CASZ1: variants seen among roughly 807,000 people sequenced by gnomAD.
CASZ1 encodes the protein castor zinc finger 1.
A neutral mutation model predicts 135.2 loss-of-function variants in CASZ1; 28 were observed. The ratio of observed to expected loss-of-function variants is 0.21; its 90% CI spans 0.15 to 0.28. The LOEUF is 0.28. CASZ1 is among the 10% of genes least tolerant of loss of function. The pLI is 1.00. For synonymous variants in CASZ1, 1,068 were observed against 1,073.4 expected, an observed-to-expected ratio of 0.99 and a Z score of 0.10; for missense variants, 2,161 against 2,453.3, an observed-to-expected ratio of 0.88 and a Z score of 2.52.
chr1:10,782,909 T>C (rs1221134692), intron 1 of CASZ1, among the ~76,000 whole-genome samples: 2 of 152,128 alleles, frequency 1.3e-5, no homozygotes, highest in African/African-American at 4.8e-5. Flanking sequence ...GAGGGAGGGA[T>C]GAGGGAGTGT....
At position 10,767,985 on chromosome 1, in the gene CASZ1, C is replaced by A. The variant is rs892288532; in HGVS notation, c.-233-7128G>T. On this transcript the variant is annotated intron_variant, in intron 1 of 20. Coordinates refer to ENST00000377022, the MANE Select transcript of CASZ1 (RefSeq NM_001079843.3). This position sits in a 1 kb window ranked among gnomAD's most constrained non-coding sequence, Gnocchi z 4.2. ...CCCAGACCTGGGACCCCAGACTCCA[C>A]CCTGGAATCTCACAAGTGTCTTGAC... is the stretch of plus-strand genomic sequence containing the variant. 1.3e-5 allele frequency among the ~76,000 whole-genome samples: 2 copies of A among 152,214 alleles called. No individual in the cohort carries two copies. Among genetic ancestry groups the A allele is most frequent in the Non-Finnish European group, 2.9e-5 (2 of 68,036 alleles).
In CASZ1 at chr1:10,771,187, C is replaced by T. The variant is rs568925412; in HGVS notation, c.-233-10330G>A. Among the ~76,000 whole-genome samples, 12 of 151,598 alleles carry T rather than the reference C, an allele frequency of 7.9e-5. 1 individual carries two copies. The highest frequency in any genetic ancestry group is 2.4e-4 in the African/African-American group (10 of 41,294). On this transcript the variant is annotated intron_variant, in intron 1 of 20. Coordinates refer to ENST00000377022, the MANE Select transcript of CASZ1 (RefSeq NM_001079843.3). ...CTGGGGGTGCGGGACAGGGAGCAAC[C>T]GCCCCACTTGGTCTGGCTTCTATGG...
intron 2 of CASZ1, among the ~76,000 whole-genome samples, chr1:10,736,173 C>G (rs1287552185): frequency 1.3e-5 from 2 of 152,314 alleles, no homozygotes; most frequent in East Asian, 3.9e-4. Flanking sequence ...TCAGCTCAGT[C>G]TCCAGGAACC....
At position 10,754,316 on chromosome 1, in the gene CASZ1, G is replaced by A. The variant is rs575524701; in HGVS notation, c.-77+6385C>T. ...CTGTATCATTTGGCTCCCTCCATCC[G>A]AATGTAAACCTCATGAGGGCAGGAC... is the stretch of plus-strand genomic sequence containing the variant. On this transcript the variant is annotated intron_variant, in intron 2 of 20. Coordinates refer to ENST00000377022, the MANE Select transcript of CASZ1 (RefSeq NM_001079843.3). Among the ~76,000 whole-genome samples the A allele has an allele frequency of 7.9e-5, 12 of 152,238 alleles. 1 individual carries two copies. In the East Asian group the frequency reaches 1.5e-3, roughly 20 times the overall value.
At chr1:10,734,738 G>A (rs1639763552) in intron 2 of CASZ1, among the ~76,000 whole-genome samples, 1 of 152,176 alleles carries the variant, frequency 6.6e-6, no homozygotes. Flanking sequence ...AGAGAAGAAA[G>A]GCAATGTGGT....
Position 10,653,588 on chromosome 1 carries a change from G to C in CASZ1, c.2469C>G (p.Ala823=), listed in dbSNP as rs993273753. The stretch of plus-strand genomic sequence containing the variant: ...CTGAGGCTGCTGACCCAGACGACAC[G>C]GCACCCAGGAGGCTGGGGGTGCCCA... ...LPVGTPSLLG[A]VSSGSAASAT... Residue 823 remains alanine, a synonymous_variant, in exon 11 of 21, where the codon GCC becomes GCG. Transcript: ENST00000377022. 6.4e-7 allele frequency: 1 copy of C among 1,560,668 alleles called. No homozygotes were observed. The highest frequency in any genetic ancestry group is 2.3e-5 in the East Asian group (1 of 44,378).
At chr1:10,704,957 C>A (rs1026401917) in intron 3 of CASZ1, among the ~76,000 whole-genome samples, 1 of 152,264 alleles carries the variant, frequency 6.6e-6, no homozygotes, top group Non-Finnish European at 1.5e-5. Flanking sequence ...GGCAGCCTGT[C>A]CTGGCCTCGG....
At chr1:10,672,464 C>T (rs906593009) in intron 4 of CASZ1, among the ~76,000 whole-genome samples, 19 of 149,488 alleles carry the variant, frequency 1.3e-4, no homozygotes, top group Non-Finnish European at 2.7e-4. Context: ...CGCCAGCCCG[C>T]GCTCCAGCCC....
intron 6 of CASZ1, among the ~76,000 whole-genome samples, chr1:10,659,406 C>T (rs769171709): frequency 6.6e-6 from 1 of 152,054 alleles, no homozygotes; most frequent in Non-Finnish European, 1.5e-5. Context: ...GTGTGGGTGG[C>T]GTGTGTGGGG....
chr1:10,639,015 C>G lies in CASZ1; in HGVS notation c.5207G>C (p.Arg1736Pro). The part of the protein sequence containing the change: ...AAAEAAGAGA[R>P]TPALAALAAL... ...CGCCAGCGCCGCCAAGGCCGGGGTC[C>G]GCGCGCCCGCGCCCGCCGCCTCCGC... Residue 1736 changes from arginine (R) to proline (P), a missense_variant, in exon 21 of 21, where the codon CGG becomes CCG. Arg to Pro is a moderately radical substitution (Grantham distance 103). Around this residue, in one of 7 missense-constraint regions of CASZ1, gnomAD observed 185 missense variants for 134.7 expected, o/e 1.37. Coordinates refer to ENST00000377022, the MANE Select transcript of CASZ1 (RefSeq NM_001079843.3). The surrounding 1 kb of genome is among the most constrained non-coding windows in gnomAD (Gnocchi z 4.0). 1 of 998,624 alleles carries G rather than the reference C, an allele frequency of 1.0e-6. No individual in the cohort carries two copies. The highest frequency in any genetic ancestry group is 1.2e-6 in the Non-Finnish European group (1 of 836,764). The allele number at this position is 998,624 out of a possible 1,614,324, so 61.9% of individuals were successfully genotyped here.
At chr1:10,710,990 G>C (rs1398128155) in intron 2 of CASZ1, among the ~76,000 whole-genome samples, 2 of 152,222 alleles carry the variant, frequency 1.3e-5, no homozygotes, top group East Asian at 3.9e-4. Context: ...TATTAGCCGG[G>C]TGTGGTGGTG....
chr1:10,716,545 C>T (rs966409050), intron 2 of CASZ1, among the ~76,000 whole-genome samples: 3 of 152,232 alleles, frequency 2.0e-5, no homozygotes, highest in South Asian at 2.1e-4. Flanking sequence ...CTGTGCTGAG[C>T]GTAAAGCCAG....
intron 2 of CASZ1, among the ~76,000 whole-genome samples, chr1:10,732,982 C>T (rs769417603): frequency 8.5e-5 from 13 of 152,236 alleles, no homozygotes; most frequent in South Asian, 4.2e-4. Flanking sequence ...TGAGCAAAGG[C>T]GGGCTCTGGC....
rs904746793 is a variant in CASZ1, at chr1:10,666,783, G to A, written c.17-1212C>T. Among the ~76,000 whole-genome samples the A allele has an allele frequency of 2.0e-5, 3 of 152,158 alleles. No homozygotes were observed. Among genetic ancestry groups the A allele is most frequent in the African/African-American group, 7.2e-5 (3 of 41,424 alleles). The stretch of plus-strand genomic sequence containing the variant: ...ACCTGCCACAAAGGCTGGCGAGGGT[G>A]GACACACACACACGCACACACACGC... On this transcript the variant is annotated intron_variant, in intron 4 of 20. Transcript: ENST00000377022. The surrounding 1 kb of genome is among the most constrained non-coding windows in gnomAD (Gnocchi z 5.2).
In CASZ1 at chr1:10,794,367, C is replaced by G. The variant is rs868523355; in HGVS notation, c.-234+2197G>C. On this transcript the variant is annotated intron_variant, in intron 1 of 20. Coordinates refer to ENST00000377022, the MANE Select transcript of CASZ1 (RefSeq NM_001079843.3). This position sits in a 1 kb window ranked among gnomAD's most constrained non-coding sequence, Gnocchi z 5.6. ...CAGGGCCTTTTCCCCCTCGCCACCC[C>G]CTGAGTGTACCGGGTGTCGGCGGGA... 1.3e-5 allele frequency among the ~76,000 whole-genome samples: 2 copies of G among 152,182 alleles called. No homozygotes were observed. Among genetic ancestry groups the G allele is most frequent in the Non-Finnish European group, 2.9e-5 (2 of 68,034 alleles).
chr1:10,639,868 G>T lies in CASZ1; in HGVS notation c.4354C>A (p.Leu1452Ile). The T allele has an allele frequency of 1.2e-6, 2 of 1,612,306 alleles. No homozygotes were observed. The highest frequency in any genetic ancestry group is 3.3e-4 in the Middle Eastern group (2 of 6,062). ...GTGCAGTGGTAGTGGGTGACCTTGA[G>T]CGAGAACTGACAAGCTGCGTCCTTG... The part of the protein sequence containing the change: ...DCKDAACQFS[L>I]KVTHYHCTRE... Residue 1452 changes from leucine (L) to isoleucine (I), a missense_variant, in exon 21 of 21, where the codon CTC becomes ATC. Leu to Ile is a conservative substitution (Grantham distance 5). Coordinates refer to ENST00000377022, the MANE Select transcript of CASZ1 (RefSeq NM_001079843.3). The surrounding 1 kb of genome is among the most constrained non-coding windows in gnomAD (Gnocchi z 4.0).
chr1:10,653,781 T>C lies in CASZ1; in HGVS notation c.2276A>G (p.Glu759Gly). ...AGGTTTGGTGGCACTGGGCCCAGCC[T>C]CGGTGGCGGCAGTGGCGGCAGCCAG... is the stretch of plus-strand genomic sequence containing the variant. ...ASLAAATAATEAGPSATKPPN... is the reference protein window; with the variant it reads ...ASLAAATAATGAGPSATKPPN... Residue 759 changes from glutamate (E) to glycine (G), a missense_variant, in exon 11 of 21, where the codon GAG becomes GGG. Coordinates refer to ENST00000377022, the MANE Select transcript of CASZ1 (RefSeq NM_001079843.3). The C allele has an allele frequency of 6.2e-7, 1 of 1,610,812 alleles. No homozygotes were observed. Among genetic ancestry groups the C allele is most frequent in the Non-Finnish European group, 8.5e-7 (1 of 1,178,298 alleles).
chr1:10,748,076 C>CA (rs1640079004), intron 2 of CASZ1, among the ~76,000 whole-genome samples: 1 of 152,188 alleles, frequency 6.6e-6, no homozygotes, highest in African/African-American at 2.4e-5. Flanking sequence ...CCTCGGCCTC[C>CA]CAAAGTGCTG....
chr1:10,653,339 A>G (rs1570416654), intron 11 of CASZ1, 38 bp downstream of exon 11: 1 of 1,609,832 alleles, frequency 6.2e-7, no homozygotes, highest in Non-Finnish European at 8.5e-7. Context: ...CCCAGTCCAG[A>G]AGGTGCCTGC....
Sources: allele counts gnomAD v4.1 joint callset (sites outside exome capture counted in the v4.1 genomes callset), GRCh38; gene constraint gnomAD v4.1.1; regional missense constraint gnomAD v4.1.1; non-coding constraint Gnocchi (gnomAD v3.1); transcripts MANE v1.5; gene names NCBI Gene and HGNC (gene_info 2026-07-23, HGNC 2026-07-21).